OCA2: variants seen among roughly 807,000 people sequenced by gnomAD.
The protein encoded by OCA2 is OCA2 melanosomal transmembrane protein.
Under a neutral mutation model 100.2 loss-of-function variants are expected in OCA2, and 77 were observed. The ratio of observed to expected loss-of-function variants is 0.77; its 90% CI spans 0.64 to 0.93. OCA2 has a LOEUF of 0.93. Among genes scored for constraint, OCA2 ranks in the 40% least tolerant of loss-of-function variants. The pLI is 0.00. For missense variants in OCA2, 1,062 were observed against 1,089.1 expected (o/e 0.98, Z 0.35); for synonymous variants, 432 against 439.2 (o/e 0.98, Z 0.21).
At chr15:27,750,314 G>A (rs2030025145), downstream of OCA2, among the ~76,000 whole-genome samples, 1 of 152,140 alleles carries the variant, frequency 6.6e-6, no homozygotes, top group Non-Finnish European at 1.5e-5. Context: ...GTGCACTTAA[G>A]GAAATGGAAT....
chr15:27,848,055 C>T (rs575575805), intron 22 of OCA2, among the ~76,000 whole-genome samples: 13 of 152,320 alleles, frequency 8.5e-5, no homozygotes, highest in Admixed American at 6.5e-4. Flanking sequence ...GAGGAGGGAG[C>T]GGGACCCCTA....
At chr15:27,945,957 G>A (rs541477141) in intron 18 of OCA2, among the ~76,000 whole-genome samples, 2 of 152,188 alleles carry the variant, frequency 1.3e-5, no homozygotes, top group East Asian at 1.9e-4. Context: ...TTTCAGAAAA[G>A]CAAACTTTTT....
chr15:27,923,017 A>G (rs938928092), intron 19 of OCA2, among the ~76,000 whole-genome samples: 18 of 151,862 alleles, frequency 1.2e-4, no homozygotes, highest in African/African-American at 4.4e-4. Flanking sequence ...CTTTGTGTCC[A>G]TGTGTTCTCA....
At chr15:27,880,652 C>G (rs2036977342) in intron 19 of OCA2, among the ~76,000 whole-genome samples, 1 of 152,084 alleles carries the variant, frequency 6.6e-6, no homozygotes, top group Non-Finnish European at 1.5e-5. Flanking sequence ...TGATTTCACT[C>G]TCTGCTTGTG....
chr15:27,939,219 TTAC>T (rs2039562637), intron 18 of OCA2, among the ~76,000 whole-genome samples: 1 of 152,262 alleles, frequency 6.6e-6, no homozygotes, highest in African/African-American at 2.4e-5. Flanking sequence ...TTTTCTTAAC[TTAC>T]TTTTATTTTC....
At chr15:27,732,508 C>T in the OCA2 span, among the ~76,000 whole-genome samples, 2 of 152,268 alleles carry the variant, frequency 1.3e-5, no homozygotes, top group African/African-American at 4.8e-5. Flanking sequence ...GACTTCACAG[C>T]TGAAAACTAA....
intron 2 of OCA2, among the ~76,000 whole-genome samples, chr15:28,060,062 CA>C (rs1408473424): frequency 1.3e-5 from 2 of 152,266 alleles, no homozygotes; most frequent in Non-Finnish European, 2.9e-5. Context: ...CACCAACCCT[CA>C]TGGCATTGCA....
chr15:27,852,467 A>C (rs1567024269), intron 21 of OCA2, among the ~76,000 whole-genome samples: 2 of 152,200 alleles, frequency 1.3e-5, no homozygotes, highest in South Asian at 2.1e-4. Flanking sequence ...AACCATAAAA[A>C]CCCTAGAAGA....
At chr15:27,886,362 A>C (rs2037223402) in intron 19 of OCA2, among the ~76,000 whole-genome samples, 1 of 152,188 alleles carries the variant, frequency 6.6e-6, no homozygotes, top group African/African-American at 2.4e-5. Context: ...GTCTCATTCA[A>C]GGTTCTCAAA....
the OCA2 span, among the ~76,000 whole-genome samples, chr15:27,748,198 T>C: frequency 2.6e-5 from 4 of 152,322 alleles, no homozygotes; most frequent in East Asian, 5.8e-4. Flanking sequence ...GTGAGCCTGA[T>C]GAATCCCTTC....
rs112436693 is a variant in OCA2, at chr15:28,014,410, A to C, written c.1044+366T>G. Among the ~76,000 whole-genome samples, 976 of 152,312 alleles carry C rather than the reference A, an allele frequency of 6.4e-3. 12 individuals are homozygous for C. Among genetic ancestry groups the C allele is most frequent in the African/African-American group, 0.022 (925 of 41,566 alleles). ...AACCCCACGGTGCAGGTGGGCGCAA[A>C]TGAGCACACCCATCACACAGGTGCA... On this transcript the variant is annotated intron_variant, in intron 9 of 23. Coordinates refer to ENST00000354638, the MANE Select transcript of OCA2 (RefSeq NM_000275.3).
intron 19 of OCA2, among the ~76,000 whole-genome samples, chr15:27,882,444 C>G (rs909525538): frequency 6.6e-6 from 1 of 152,152 alleles, no homozygotes; most frequent in African/African-American, 2.4e-5. Context: ...AACTCCCAAC[C>G]TTTCATTCAT....
intron 2 of OCA2, among the ~76,000 whole-genome samples, chr15:28,052,215 TC>T (rs1384029015): frequency 6.6e-6 from 1 of 151,814 alleles, no homozygotes; most frequent in African/African-American, 2.4e-5. Context: ...GCACCAAAAC[TC>T]CCCCTTGTGA....
chr15:27,873,040 T>G (rs2036647289), intron 19 of OCA2, among the ~76,000 whole-genome samples: 1 of 152,172 alleles, frequency 6.6e-6, no homozygotes, highest in Non-Finnish European at 1.5e-5. Context: ...CATGTACAGT[T>G]GTTAGCCGAC....
At chr15:27,992,648 G>C (rs2041594789) in intron 9 of OCA2, among the ~76,000 whole-genome samples, 1 of 152,210 alleles carries the variant, frequency 6.6e-6, no homozygotes, top group African/African-American at 2.4e-5. Flanking sequence ...TAGTAGAACA[G>C]GATGTGACAG....
intron 3 of OCA2, among the ~76,000 whole-genome samples, chr15:28,029,112 T>C (rs1218365533): frequency 6.6e-6 from 1 of 152,220 alleles, no homozygotes; most frequent in African/African-American, 2.4e-5. Context: ...GGGCTCACAA[T>C]ACTGACGTTA....
chr15:28,018,510 G>C lies in OCA2; in HGVS notation c.694C>G (p.Leu232Val). The C allele has an allele frequency of 6.2e-7, 1 of 1,613,776 alleles. No homozygotes were observed. Among genetic ancestry groups the C allele is most frequent in the Non-Finnish European group, 8.5e-7 (1 of 1,179,938 alleles). The change falls in exon 7 of 24, where the codon CTG (leucine) becomes GTG (valine). Residue 232 changes from leucine (L) to valine (V), a missense_variant. Transcript: ENST00000354638. ...CCACTGGCCACTAGGGCCCCTGCCA[G>C]GTCCACCTGCAGCAGCGTGGAGTCC... ...HVDSTLLQVD[L>V]AGALVASGPS...
chr15:27,822,599 T>C (rs1265055241), intron 23 of OCA2, among the ~76,000 whole-genome samples: 2 of 152,238 alleles, frequency 1.3e-5, no homozygotes, highest in Non-Finnish European at 2.9e-5. Flanking sequence ...ATAGGCATGG[T>C]GTAAAATGGC....
the OCA2 span, among the ~76,000 whole-genome samples, chr15:27,735,706 A>G: frequency 6.6e-6 from 1 of 152,178 alleles, no homozygotes; most frequent in Non-Finnish European, 1.5e-5. Context: ...GTAAGATGCT[A>G]TATTAAAAGT....
Sources: gnomAD v4.1 joint callset for allele counts (sites outside exome capture counted in the v4.1 genomes callset) on GRCh38, gnomAD v4.1.1 for gene constraint, MANE v1.5 for transcripts, NCBI Gene and HGNC (gene_info 2026-07-23, HGNC 2026-07-21) for gene names.